Variants in AFG2A observed in about 807,000 individuals in gnomAD.
AFG2A encodes ATPase family gene 2 protein homolog A.
chr4:123,116,342 A>G, the AFG2A span, among the ~76,000 whole-genome samples: 1 of 152,250 alleles, frequency 6.6e-6, no homozygotes, highest in African/African-American at 2.4e-5. Context: ...CAAGCAGTGA[A>G]TGAGCTACAC....
At chr4:123,070,887 A>G in the AFG2A span, among the ~76,000 whole-genome samples, 251 of 152,216 alleles carry the variant, frequency 1.6e-3, 1 homozygote, top group Middle Eastern at 0.014. Context: ...ATGAAGGTTT[A>G]TTGGTTTTCT....
the AFG2A span, among the ~76,000 whole-genome samples, chr4:123,223,540 G>T: frequency 6.6e-6 from 1 of 152,152 alleles, no homozygotes; most frequent in South Asian, 2.1e-4. Flanking sequence ...GAAGGCAAAG[G>T]GGAAGCAGGC....
At chr4:123,121,221 CTAAG>C in the AFG2A span, among the ~76,000 whole-genome samples, 1 of 147,280 alleles carries the variant, frequency 6.8e-6, no homozygotes, top group African/African-American at 2.5e-5. Context: ...TTGTTTTAAC[CTAAG>C]TGTTATTATA....
chr4:123,062,661 C>T, the AFG2A span, among the ~76,000 whole-genome samples: 1 of 152,126 alleles, frequency 6.6e-6, no homozygotes, highest in South Asian at 2.1e-4. Context: ...ACTTATACAG[C>T]ATGTTATTGT....
chr4:123,052,175 T>C, the AFG2A span, among the ~76,000 whole-genome samples: 1 of 152,188 alleles, frequency 6.6e-6, no homozygotes, highest in Non-Finnish European at 1.5e-5. Context: ...TATTTTCAAA[T>C]AGTTGGGCTT....
the AFG2A span, among the ~76,000 whole-genome samples, chr4:123,227,127 G>T: frequency 2.0e-5 from 3 of 152,052 alleles, no homozygotes; most frequent in African/African-American, 7.2e-5. Flanking sequence ...CTTGCTAGCG[G>T]TCTATCAATT....
the AFG2A span, chr4:122,947,175 T>A: frequency 1.4e-6 from 2 of 1,467,294 alleles, no homozygotes; most frequent in Non-Finnish European, 1.8e-6. Context: ...TGTGTGCCTC[T>A]CACTTTTTTT....
the AFG2A span, among the ~76,000 whole-genome samples, chr4:123,088,716 G>GCT: frequency 6.6e-5 from 10 of 151,034 alleles, no homozygotes; most frequent in Non-Finnish European, 1.3e-4. Flanking sequence ...CCCCCTTCGT[G>GCT]CTCTCTCTCT....
the AFG2A span, among the ~76,000 whole-genome samples, chr4:123,144,393 A>G: frequency 6.6e-6 from 1 of 152,108 alleles, no homozygotes; most frequent in African/African-American, 2.4e-5. Flanking sequence ...TGTAAGTAAT[A>G]TAGTAATGCT....
chr4:123,237,603 G>C, the AFG2A span, among the ~76,000 whole-genome samples: 1 of 148,518 alleles, frequency 6.7e-6, no homozygotes, highest in Non-Finnish European at 1.5e-5. Flanking sequence ...AACCTAGGAG[G>C]TGGAGGTTGC....
chr4:122,996,341 G>T, the AFG2A span, among the ~76,000 whole-genome samples: 5 of 152,052 alleles, frequency 3.3e-5, no homozygotes, highest in African/African-American at 1.2e-4. Context: ...CTAGTGCTTG[G>T]CAAATAAAAA....
the AFG2A span, among the ~76,000 whole-genome samples, chr4:122,950,977 C>T: frequency 6.6e-6 from 1 of 152,156 alleles, no homozygotes; most frequent in Admixed American, 6.5e-5. Flanking sequence ...TAAGTTGTCC[C>T]CTATGTCCTG....
At chr4:122,974,069 G>A in the AFG2A span, among the ~76,000 whole-genome samples, 1 of 152,060 alleles carries the variant, frequency 6.6e-6, no homozygotes, top group African/African-American at 2.4e-5. Context: ...TCTATGTTCA[G>A]AGGAGTGGAG....
At chr4:123,298,110 CAT>C in the AFG2A span, among the ~76,000 whole-genome samples, 1 of 73,340 alleles carries the variant, frequency 1.4e-5, no homozygotes, top group African/African-American at 3.5e-5. Flanking sequence ...CGTGCATACA[CAT>C]ACACACACAC....
chr4:123,258,829 G>A, the AFG2A span, among the ~76,000 whole-genome samples: 1 of 150,196 alleles, frequency 6.7e-6, no homozygotes, highest in South Asian at 2.1e-4. Flanking sequence ...AAGTTGTAGA[G>A]GATGATTAAG....
At chr4:123,164,719 T>G in the AFG2A span, among the ~76,000 whole-genome samples, 4 of 152,350 alleles carry the variant, frequency 2.6e-5, no homozygotes, top group East Asian at 7.7e-4. Flanking sequence ...TTGGTTCATT[T>G]GCCTTTGAGA....
chr4:123,003,005 T>C, the AFG2A span, among the ~76,000 whole-genome samples: 8,171 of 152,204 alleles, frequency 0.054, 522 homozygotes, highest in African/African-American at 0.16. Flanking sequence ...TGTTCATTTC[T>C]TTTTATTCTT....
the AFG2A span, among the ~76,000 whole-genome samples, chr4:123,203,155 CTT>C: frequency 5.4e-5 from 7 of 129,214 alleles, no homozygotes; most frequent in Admixed American, 8.5e-5. Flanking sequence ...AATAGTTGTA[CTT>C]TTTTTTTTTT....
the AFG2A span, among the ~76,000 whole-genome samples, chr4:123,050,628 CT>C: frequency 6.6e-6 from 1 of 151,374 alleles, no homozygotes; most frequent in East Asian, 1.9e-4. Context: ...GCTACTCCTG[CT>C]TTTTTTTGGT....
Sources: gnomAD v4.1 joint callset for allele counts (sites outside exome capture counted in the v4.1 genomes callset) on GRCh38, gnomAD v4.1.1 for gene constraint, MANE v1.5 for transcripts, NCBI Gene and HGNC (gene_info 2026-07-23, HGNC 2026-07-21) for gene names.